NREP: variants seen among roughly 807,000 people sequenced by gnomAD.
NREP encodes the protein neuronal regeneration related protein.
NREP carries 5 observed loss-of-function variants against 8.6 expected under a neutral mutation model. That is an observed-to-expected ratio of 0.58 (90% CI 0.30 to 1.22). NREP has a LOEUF of 1.22. Ranked by LOEUF, NREP falls within the 50% of genes most tolerant of loss-of-function variation. NREP has a pLI of 0.07. For synonymous variants in NREP, 27 were observed against 28.0 expected, an observed-to-expected ratio of 0.96 and a Z score of 0.11; for missense variants, 86 against 82.5, an observed-to-expected ratio of 1.04 and a Z score of -0.17.
In NREP at chr5:111,766,381, A is replaced by C. The variant is rs143451907; in HGVS notation, c.136-30874T>G. On this transcript the variant is annotated intron_variant, in intron 2 of 3. Transcript: ENST00000395634. ...TTTGCACGGATTTGCCTCATTTTGC[A>C]TCAAAACGTCAGTGCCTTAAAACCT... Among the ~76,000 whole-genome samples, 4 of 152,332 alleles carry C rather than the reference A, an allele frequency of 2.6e-5. No individual in the cohort carries two copies. In the East Asian group the frequency reaches 7.7e-4, roughly 29 times the overall value.
At chr5:111,866,318 G>A (rs948273973) in intron 2 of NREP, among the ~76,000 whole-genome samples, 4 of 151,624 alleles carry the variant, frequency 2.6e-5, no homozygotes, top group Non-Finnish European at 2.9e-5. Flanking sequence ...AAAAAAACCC[G>A]ATCAAAAAGT....
At chr5:111,799,973 G>A (rs1026156021) in intron 2 of NREP, among the ~76,000 whole-genome samples, 5 of 152,130 alleles carry the variant, frequency 3.3e-5, no homozygotes, top group African/African-American at 1.2e-4. Flanking sequence ...AGGCTGGAGT[G>A]CGGTGGTGTG....
intron 2 of NREP, among the ~76,000 whole-genome samples, chr5:111,790,709 A>G (rs1751724718): frequency 6.6e-6 from 1 of 152,254 alleles, no homozygotes; most frequent in African/African-American, 2.4e-5. Context: ...GTAGAGCCAT[A>G]TATTGAAACA....
intron 2 of NREP, among the ~76,000 whole-genome samples, chr5:111,948,336 CA>C (rs1363989349): frequency 6.6e-6 from 1 of 152,102 alleles, no homozygotes; most frequent in African/African-American, 2.4e-5. Flanking sequence ...AAATGCTAGC[CA>C]AGTCTCACTG....
intron 2 of NREP, among the ~76,000 whole-genome samples, chr5:111,963,090 C>A (rs886242095): frequency 1.6e-4 from 25 of 152,376 alleles, no homozygotes; most frequent in Non-Finnish European, 1.0e-4. Flanking sequence ...AAGGGGCCCA[C>A]TGAGTGGATA....
intron 2 of NREP, among the ~76,000 whole-genome samples, chr5:111,793,296 C>T (rs1331839804): frequency 2.0e-5 from 3 of 152,086 alleles, no homozygotes; most frequent in South Asian, 2.1e-4. Flanking sequence ...AGTCCCACAA[C>T]ACGCCATCTG....
At chr5:111,952,009 T>C (rs1756174446) in intron 2 of NREP, among the ~76,000 whole-genome samples, 1 of 152,126 alleles carries the variant, frequency 6.6e-6, no homozygotes, top group South Asian at 2.1e-4. Context: ...CTGACACTCC[T>C]GTCCCAGGCA....
At chr5:111,734,523 G>A (rs1021942723) in intron 3 of NREP, 4 of 434,876 alleles carry the variant, frequency 9.2e-6, no homozygotes, top group Middle Eastern at 5.8e-4. Flanking sequence ...ATTTAAGATT[G>A]TTTTCTTTCA....
At chr5:111,932,424 C>G (rs1451131893) in intron 2 of NREP, among the ~76,000 whole-genome samples, 2 of 152,094 alleles carry the variant, frequency 1.3e-5, no homozygotes, top group Non-Finnish European at 2.9e-5. Flanking sequence ...CATTCATTAT[C>G]TGAGTAATCC....
intron 2 of NREP, among the ~76,000 whole-genome samples, chr5:111,774,274 A>G (rs1237433524): frequency 6.6e-6 from 1 of 151,744 alleles, no homozygotes; most frequent in Non-Finnish European, 1.5e-5. Context: ...AGAAGGAGGG[A>G]GAGAAGAAGG....
chr5:111,942,341 C>A (rs926524462), intron 2 of NREP, among the ~76,000 whole-genome samples: 2 of 152,016 alleles, frequency 1.3e-5, no homozygotes, highest in Non-Finnish European at 2.9e-5. Context: ...GCCTTTCCAT[C>A]TGAAAAGTGA....
rs78111192 is a variant in NREP at position 111,976,135 on chromosome 5, A to C, written c.30+575T>G. Among the ~76,000 whole-genome samples, 819 of 152,300 alleles carry C rather than the reference A, an allele frequency of 5.4e-3. 8 individuals carry two copies. The highest frequency in any genetic ancestry group is 0.018 in the African/African-American group (765 of 41,554). ...AACATTTTATCAGTTTCTTATAATA[A>C]ACCATATTATAAGGAGTAATTACTG... On this transcript the variant is annotated intron_variant, in intron 1 of 3. Transcript: ENST00000395634.
At chr5:111,950,642 G>T (rs749478281) in intron 2 of NREP, among the ~76,000 whole-genome samples, 6 of 151,228 alleles carry the variant, frequency 4.0e-5, no homozygotes, top group Non-Finnish European at 8.8e-5. Flanking sequence ...TTTGTAAGCT[G>T]CTCATCTGAC....
At chr5:111,870,723 A>AC (rs1188475544) in intron 2 of NREP, among the ~76,000 whole-genome samples, 1 of 152,120 alleles carries the variant, frequency 6.6e-6, no homozygotes, top group East Asian at 1.9e-4. Flanking sequence ...CCTTACAAGA[A>AC]AAGAGAGAGA....
intron 2 of NREP, among the ~76,000 whole-genome samples, chr5:111,884,559 G>A (rs1754185399): frequency 6.6e-6 from 1 of 152,122 alleles, no homozygotes; most frequent in African/African-American, 2.4e-5. Flanking sequence ...GATGAACATT[G>A]ATGCAAAAAT....
At chr5:111,885,170 A>G (rs575090184) in intron 2 of NREP, among the ~76,000 whole-genome samples, 124 of 151,970 alleles carry the variant, frequency 8.2e-4, no homozygotes, top group African/African-American at 3.0e-3. Context: ...AAGCATTCTT[A>G]TACACCAATA....
intron 2 of NREP, among the ~76,000 whole-genome samples, chr5:111,896,430 T>C (rs1420546293): frequency 6.6e-6 from 1 of 152,158 alleles, no homozygotes; most frequent in Admixed American, 6.6e-5. Context: ...CTAAATGAAG[T>C]TGTCTAGCAG....
chr5:111,931,119 G>C (rs549284481), intron 2 of NREP, among the ~76,000 whole-genome samples: 16 of 151,950 alleles, frequency 1.1e-4, no homozygotes, highest in Admixed American at 4.6e-4. Context: ...CCTTCTTCTT[G>C]TGCCCTTAGT....
At chr5:111,930,612 G>A (rs1214500452) in intron 2 of NREP, among the ~76,000 whole-genome samples, 5 of 152,150 alleles carry the variant, frequency 3.3e-5, no homozygotes, top group African/African-American at 1.2e-4. Flanking sequence ...TTTGTGACTA[G>A]AAGGAGGTCA....
Sources: gnomAD v4.1 joint callset for allele counts (sites outside exome capture counted in the v4.1 genomes callset) on GRCh38, gnomAD v4.1.1 for gene constraint, MANE v1.5 for transcripts, NCBI Gene and HGNC (gene_info 2026-07-23, HGNC 2026-07-21) for gene names.